The following SECISBP2L variants were observed in gnomAD, a reference collection of about 807,000 sequenced individuals.
SECISBP2L encodes the protein SECIS binding protein 2 like.
Under a neutral mutation model 114.7 loss-of-function variants are expected in SECISBP2L, and 43 were observed. That is an observed-to-expected ratio of 0.38 (90% confidence interval 0.29 to 0.48). The LOEUF is 0.48. Ranked by LOEUF, SECISBP2L falls within the 20% of genes least tolerant of loss-of-function variation. The pLI, the probability that SECISBP2L is intolerant of heterozygous loss-of-function variation, is 0.98. For synonymous variants in SECISBP2L, 451 were observed against 439.7 expected (o/e 1.03, Z -0.32); for missense variants, 1,136 against 1,301.1 (o/e 0.87, Z 1.95).
At chr15:49,040,564 C>G (rs1903104595) in intron 1 of SECISBP2L, among the ~76,000 whole-genome samples, 1 of 94,700 alleles carries the variant, frequency 1.1e-5, no homozygotes, top group Non-Finnish European at 1.9e-5. Flanking sequence ...GAGACGGAGT[C>G]TTGCTCTGTG....
In SECISBP2L at chr15:49,035,558, C is replaced by T. The variant is rs1902988364; in HGVS notation, c.304G>A (p.Val102Ile). Residue 102 changes from valine (V) to isoleucine (I), a missense_variant, in exon 3 of 18, where the codon GTT becomes ATT. By Grantham distance (29) the Val-to-Ile change is conservative (BLOSUM62 3). Coordinates refer to ENST00000559471, the MANE Select transcript of SECISBP2L (RefSeq NM_001193489.2). ...TGATAATATGTATACTCTGTAGAAA[C>T]AGGCGGCTGAGCAGATATAATGGGA... Reference protein sequence around the residue: ...AYPIISAQPPVSTEYTYYQLM... With the variant: ...AYPIISAQPPISTEYTYYQLM... 8 of 1,614,232 alleles carry T rather than the reference C, an allele frequency of 5.0e-6. No homozygotes were observed. Among genetic ancestry groups the T allele is most frequent in the Non-Finnish European group, 5.1e-6 (6 of 1,180,030 alleles).
chr15:49,022,024 CAAT>C (rs930336280), intron 7 of SECISBP2L, among the ~76,000 whole-genome samples: 2 of 152,020 alleles, frequency 1.3e-5, no homozygotes, highest in Admixed American at 1.3e-4. Flanking sequence ...ACCCCATTTA[CAAT>C]AAAAAGGAAA....
chr15:49,032,926 T>C, intron 4 of SECISBP2L, 39 bp downstream of exon 4: 1 of 1,602,302 alleles, frequency 6.2e-7, no homozygotes, highest in Non-Finnish European at 8.5e-7. Context: ...TGAAAACAGA[T>C]AAAAATCAGT....
intron 1 of SECISBP2L, among the ~76,000 whole-genome samples, chr15:49,044,253 T>C (rs942138177): frequency 6.6e-6 from 1 of 152,164 alleles, no homozygotes; most frequent in Non-Finnish European, 1.5e-5. Flanking sequence ...ACTTCAATAG[T>C]AGAAATACAA....
intron 4 of SECISBP2L, among the ~76,000 whole-genome samples, chr15:49,030,070 G>T (rs1902855229): frequency 6.7e-6 from 1 of 148,910 alleles, no homozygotes; most frequent in Non-Finnish European, 1.5e-5. Context: ...CAAAAAACAA[G>T]ACTCTCTTTG....
At chr15:48,996,314 C>T (rs928428084) in intron 17 of SECISBP2L, 53 bp downstream of exon 17, 1 of 1,452,426 alleles carries the variant, frequency 6.9e-7, no homozygotes, top group African/African-American at 1.4e-5. Context: ...AATAGAAAGT[C>T]ATTTAAATCA....
chr15:49,037,016 G>A, intron 2 of SECISBP2L, among the ~76,000 whole-genome samples: 1 of 152,166 alleles, frequency 6.6e-6, no homozygotes, highest in Non-Finnish European at 1.5e-5. Flanking sequence ...CACTCAGACA[G>A]TATAAGCAGG....
Position 48,996,481 on chromosome 15 carries a change from C to T in SECISBP2L, c.2509G>A (p.Val837Met). 1 of 1,614,128 alleles carries T rather than the reference C, an allele frequency of 6.2e-7. No individual in the cohort carries two copies. Reference protein sequence around the residue: ...QEQAEEALKNVKKVPHHMGHS... With the variant: ...QEQAEEALKNMKKVPHHMGHS... ...CCCATGTGGTGTGGTACCTTCTTCA[C>T]ATTCTTTAAGGCTTCCTCAGCCTGC... is the stretch of plus-strand genomic sequence containing the variant. The change falls in exon 17 of 18, where the codon GTG (valine) becomes ATG (methionine). Residue 837 changes from valine to methionine, a missense_variant. Val to Met is a conservative substitution (Grantham distance 21). Coordinates refer to ENST00000559471, the MANE Select transcript of SECISBP2L (RefSeq NM_001193489.2).
intron 14 of SECISBP2L, among the ~76,000 whole-genome samples, chr15:49,002,419 T>C (rs1305191320): frequency 6.6e-6 from 1 of 152,256 alleles, no homozygotes; most frequent in South Asian, 2.1e-4. Flanking sequence ...ACTCTGACGA[T>C]AGTTTCTTTT....
chr15:48,994,685 C>T (rs1479055817), intron 17 of SECISBP2L, among the ~76,000 whole-genome samples: 1 of 152,134 alleles, frequency 6.6e-6, no homozygotes, highest in Non-Finnish European at 1.5e-5. Flanking sequence ...TTTCCTAACT[C>T]CTGACAGGCA....
chr15:49,033,387 C>CA (rs920158666), intron 3 of SECISBP2L, among the ~76,000 whole-genome samples: 10 of 151,872 alleles, frequency 6.6e-5, no homozygotes, highest in African/African-American at 2.4e-4. Flanking sequence ...TTTTCTCAGT[C>CA]AAAAAAATAA....
chr15:49,028,567 C>G lies in SECISBP2L; in HGVS notation c.780G>C (p.Glu260Asp). Residue 260 changes from glutamate (E) to aspartate (D), a missense_variant, in exon 5 of 18, where the codon GAG (glutamate) becomes GAC (aspartate). Physicochemically the swap from Glu to Asp is conservative, Grantham distance 45. Transcript: ENST00000559471. ...CAATGTCGGCTTCACTAGCCCCCTGCTCACTAGAAGATTCAGCAGTAGGGT... is the reference window on the plus strand; with the variant it reads ...CAATGTCGGCTTCACTAGCCCCCTGGTCACTAGAAGATTCAGCAGTAGGGT... ...ASHPTAESSSEQGASEADIDS... is the reference protein window; with the variant it reads ...ASHPTAESSSDQGASEADIDS... 1 of 1,614,146 alleles carries G rather than the reference C, an allele frequency of 6.2e-7. No homozygotes were observed. Among genetic ancestry groups the G allele is most frequent in the Non-Finnish European group, 8.5e-7 (1 of 1,180,006 alleles).
intron 4 of SECISBP2L, among the ~76,000 whole-genome samples, chr15:49,029,247 G>C (rs943839035): frequency 6.6e-6 from 1 of 152,112 alleles, no homozygotes; most frequent in South Asian, 2.1e-4. Flanking sequence ...AGAGAACATC[G>C]TCAATCTTTT....
At chr15:49,038,666 T>C (rs1382367398) in intron 1 of SECISBP2L, among the ~76,000 whole-genome samples, 3 of 152,170 alleles carry the variant, frequency 2.0e-5, no homozygotes, top group Non-Finnish European at 4.4e-5. Context: ...ACATTGGTTT[T>C]ATGCAGTTTC....
At chr15:49,036,229 G>C (rs949580538) in intron 2 of SECISBP2L, among the ~76,000 whole-genome samples, 1 of 152,202 alleles carries the variant, frequency 6.6e-6, no homozygotes, top group Non-Finnish European at 1.5e-5. Context: ...CCAAGGGAAA[G>C]AAGAGAAGAG....
rs11542124 is a variant in SECISBP2L, at chr15:48,989,968, T to G, written c.*2276A>C. On this transcript the variant is annotated 3_prime_UTR_variant, in exon 18 of 18. Transcript: ENST00000559471. ...AACATTTCCTTTAATAATTCTTGGG[T>G]TGTCCTCTAGAGGTGACCTGTCTCA... 46,772 of 152,550 alleles carry G rather than the reference T, an allele frequency of 0.31. 7,679 individuals are homozygous for G. Among genetic ancestry groups the G allele is most frequent in the East Asian group, 0.6 (3,098 of 5,176 alleles). The allele number at this position is 152,550 out of a possible 1,614,324, so 9.4% of individuals were successfully genotyped here.
chr15:49,041,565 C>T (rs948951356), intron 1 of SECISBP2L, among the ~76,000 whole-genome samples: 11 of 152,142 alleles, frequency 7.2e-5, no homozygotes, highest in African/African-American at 1.7e-4. Flanking sequence ...AAGCACACGT[C>T]GGCAGAGAAT....
chr15:49,028,296 A>G (rs1410445617), intron 5 of SECISBP2L, 128 bp from the exon 6 acceptor site: 1 of 986,376 alleles, frequency 1.0e-6, no homozygotes, highest in South Asian at 1.8e-5. Flanking sequence ...TTCTTCATAA[A>G]TGAATATTTT....
intron 6 of SECISBP2L, 124 bp from the exon 7 acceptor site, chr15:49,027,604 C>CTTT: frequency 2.1e-6 from 1 of 469,118 alleles, no homozygotes; most frequent in Non-Finnish European, 3.7e-6. Context: ...TTCTATAAAC[C>CTTT]TTATTATTTT....
Sources: gnomAD v4.1 joint callset for allele counts (sites outside exome capture counted in the v4.1 genomes callset) on GRCh38, gnomAD v4.1.1 for gene constraint, MANE v1.5 for transcripts, NCBI Gene and HGNC (gene_info 2026-07-23, HGNC 2026-07-21) for gene names.